CD86: variants seen among roughly 807,000 people sequenced by gnomAD.
CD86 encodes T-lymphocyte activation antigen CD86.
A neutral mutation model predicts 32.1 loss-of-function variants in CD86; 11 were observed. The observed-to-expected ratio is 0.34, with a 90% CI of 0.22 to 0.57. CD86 has a LOEUF of 0.57. Ranked by LOEUF, CD86 falls within the 20% of genes least tolerant of loss-of-function variation. CD86 has a pLI of 0.86. For missense variants in CD86, 359 were observed against 398.4 expected (o/e 0.90, Z 0.84); for synonymous variants, 137 against 135.3 (o/e 1.01, Z -0.09).
At chr3:122,073,772 C>T (rs917202221) in intron 1 of CD86, among the ~76,000 whole-genome samples, 4 of 152,096 alleles carry the variant, frequency 2.6e-5, no homozygotes, top group Non-Finnish European at 5.9e-5. Flanking sequence ...ACTGTGTTTA[C>T]GGTGAAATCC....
At chr3:122,086,706 C>T in intron 1 of CD86, 2 of 434,148 alleles carry the variant, frequency 4.6e-6, no homozygotes, top group South Asian at 3.2e-5. Flanking sequence ...GGCAGAAACC[C>T]TCTTGATGCA....
At chr3:122,060,364 G>A (rs1445780178) in intron 1 of CD86, among the ~76,000 whole-genome samples, 3 of 152,130 alleles carry the variant, frequency 2.0e-5, no homozygotes, top group Non-Finnish European at 4.4e-5. Context: ...AGCACAGATG[G>A]TCTCCTGCAG....
chr3:122,101,830 T>C (rs967615532), intron 2 of CD86, among the ~76,000 whole-genome samples: 1 of 152,032 alleles, frequency 6.6e-6, no homozygotes, highest in Non-Finnish European at 1.5e-5. Flanking sequence ...TGTAAGGTGA[T>C]TCATAAACAC....
chr3:122,121,108 C>T lies in CD86; in HGVS notation c.*1574C>T, dbSNP rs1207771215. The stretch of plus-strand genomic sequence containing the variant: ...AGTTTCTAACATGTTTTGTGCAGCA[C>T]AGTTTTTAATAAATGCTTGTTACAT... On this transcript the variant is annotated 3_prime_UTR_variant, in exon 7 of 7. Transcript: ENST00000330540. The T allele has an allele frequency of 6.6e-6, 1 of 152,256 alleles. No individual in the cohort carries two copies. Among genetic ancestry groups the T allele is most frequent in the Non-Finnish European group, 1.5e-5 (1 of 68,058 alleles). The allele number at this position is 152,256 out of a possible 1,614,324, so 9.4% of individuals were successfully genotyped here. A position where few individuals can be genotyped will look rare whatever the true frequency, so the allele number is the denominator to read the frequency against.
At chr3:122,105,818 GTC>G (rs1456165657) in intron 3 of CD86, among the ~76,000 whole-genome samples, 1 of 152,028 alleles carries the variant, frequency 6.6e-6, no homozygotes, top group Non-Finnish European at 1.5e-5. Context: ...TGCTCTCTTA[GTC>G]TGGGGAGCTG....
intron 2 of CD86, among the ~76,000 whole-genome samples, chr3:122,100,354 T>C (rs2072979736): frequency 6.6e-6 from 1 of 152,208 alleles, no homozygotes; most frequent in Non-Finnish European, 1.5e-5. Context: ...GCAAGTGGCT[T>C]CCTTTGGGTG....
intron 2 of CD86, among the ~76,000 whole-genome samples, chr3:122,096,209 G>T (rs1420254366): frequency 6.6e-6 from 1 of 152,110 alleles, no homozygotes; most frequent in African/African-American, 2.4e-5. Flanking sequence ...GGCACTATAA[G>T]TACATGCCAC....
At chr3:122,107,580 G>A (rs2073111802) in intron 4 of CD86, among the ~76,000 whole-genome samples, 1 of 152,158 alleles carries the variant, frequency 6.6e-6, no homozygotes, top group South Asian at 2.1e-4. Context: ...CTGGAATAAA[G>A]GTGGTCTGCA....
chr3:122,113,722 C>T (rs1559914381), intron 5 of CD86, among the ~76,000 whole-genome samples: 1 of 152,068 alleles, frequency 6.6e-6, no homozygotes, highest in Non-Finnish European at 1.5e-5. Flanking sequence ...AAAAATAGAA[C>T]ATAACCAGAT....
At position 122,106,307 on chromosome 3, in the gene CD86, T is replaced by C. The variant is rs1576783610; in HGVS notation, c.510T>C (p.Ser170=). The change falls in exon 4 of 7, where the codon AGT becomes AGC. Residue 170 remains serine, a synonymous_variant. Transcript: ENST00000330540. Reference sequence around the variant, plus strand: ...GTTACCCAGAACCTAAGAAGATGAGTGTTTTGCTAAGAACCAAGAATTCAA... The same window carrying C: ...GTTACCCAGAACCTAAGAAGATGAGCGTTTTGCTAAGAACCAAGAATTCAA... The part of the protein sequence containing the change: ...IHGYPEPKKM[S]VLLRTKNSTI... 3 of 1,614,030 alleles carry C rather than the reference T, an allele frequency of 1.9e-6. No individual in the cohort carries two copies. The highest frequency in any genetic ancestry group is 2.5e-6 in the Non-Finnish European group (3 of 1,179,898).
intron 6 of CD86, among the ~76,000 whole-genome samples, chr3:122,118,465 A>G (rs2073291239): frequency 1.3e-5 from 2 of 152,254 alleles, no homozygotes; most frequent in Non-Finnish European, 2.9e-5. Context: ...GTGGGGAATG[A>G]TAACATGTTT....
chr3:122,118,008 G>T, intron 5 of CD86, 40 bp from the exon 6 acceptor site: 1 of 1,566,058 alleles, frequency 6.4e-7, no homozygotes, highest in Non-Finnish European at 8.8e-7. Flanking sequence ...TGGTATCTAG[G>T]AGGAATACAT....
chr3:122,103,812 G>T lies in CD86; in HGVS notation c.365G>T (p.Arg122Leu). The T allele has an allele frequency of 3.7e-6, 6 of 1,613,704 alleles. No individual in the cohort carries two copies. The highest frequency in any genetic ancestry group is 1.1e-5 in the South Asian group (1 of 91,052). ...IHHKKPTGMIRIHQMNSELSV... is the reference protein window; with the variant it reads ...IHHKKPTGMILIHQMNSELSV... ...CACAAAAAGCCCACAGGAATGATTC[G>T]CATCCACCAGATGAATTCTGAACTG... Residue 122 changes from arginine (R) to leucine (L), a missense_variant, in exon 3 of 7, where the codon CGC becomes CTC. Transcript: ENST00000330540.
chr3:122,081,874 TCTC>T (rs1197222953), intron 1 of CD86, among the ~76,000 whole-genome samples: 1 of 152,166 alleles, frequency 6.6e-6, no homozygotes, highest in Non-Finnish European at 1.5e-5. Context: ...TGCTTGCTGT[TCTC>T]CATGTCTTCT....
At chr3:122,099,752 A>C (rs2072967510) in intron 2 of CD86, among the ~76,000 whole-genome samples, 1 of 152,240 alleles carries the variant, frequency 6.6e-6, no homozygotes, top group Admixed American at 6.5e-5. Flanking sequence ...AATTAAAATT[A>C]AATAAGATTA....
chr3:122,115,026 C>A (rs2073229113), intron 5 of CD86, among the ~76,000 whole-genome samples: 2 of 151,928 alleles, frequency 1.3e-5, no homozygotes, highest in Non-Finnish European at 2.9e-5. Context: ...GCCAGAGAAA[C>A]AAGACTAGAA....
intron 2 of CD86, among the ~76,000 whole-genome samples, chr3:122,097,631 G>A (rs1463636661): frequency 6.6e-6 from 1 of 152,134 alleles, no homozygotes; most frequent in Non-Finnish European, 1.5e-5. Context: ...ACCTGGGGGT[G>A]GAGGAATCCA....
chr3:122,064,828 G>A (rs530874221), intron 1 of CD86, among the ~76,000 whole-genome samples: 4 of 152,112 alleles, frequency 2.6e-5, no homozygotes, highest in Non-Finnish European at 5.9e-5. Context: ...TGGGGCCCAG[G>A]CTTTAGTGAG....
intron 1 of CD86, among the ~76,000 whole-genome samples, chr3:122,079,832 A>G (rs552099426): frequency 7.2e-5 from 11 of 152,306 alleles, no homozygotes; most frequent in African/African-American, 1.9e-4. Flanking sequence ...CTCGTTCCCT[A>G]TCGGTCCTCC....
Sources: allele counts gnomAD v4.1 joint callset (sites outside exome capture counted in the v4.1 genomes callset), GRCh38; gene constraint gnomAD v4.1.1; transcripts MANE v1.5; gene names NCBI Gene and HGNC (gene_info 2026-07-23, HGNC 2026-07-21).